Variants in KLK9 observed in about 807,000 individuals in gnomAD.
The protein encoded by KLK9 is kallikrein related peptidase 9.
A neutral mutation model predicts 23.3 loss-of-function variants in KLK9; 26 were observed. The ratio of observed to expected loss-of-function variants is 1.12; its 90% CI spans 0.82 to 1.55. KLK9 has a LOEUF of 1.55. KLK9 is among the 40% of genes most tolerant of loss of function. KLK9 has a pLI of 0.00. For missense variants in KLK9, 346 were observed against 333.7 expected (o/e 1.04, Z -0.29); for synonymous variants, 122 against 128.5 (o/e 0.95, Z 0.34).
chr19:51,003,995 G>A (rs1216717442), intron 3 of KLK9, among the ~76,000 whole-genome samples, 155 bp from the exon 4 acceptor site: 2 of 152,168 alleles, frequency 1.3e-5, no homozygotes, highest in Non-Finnish European at 2.9e-5. Flanking sequence ...CAGACAGACA[G>A]TCATAGCACA....
At chr19:51,005,597 C>T (rs2122360364) in intron 3 of KLK9, among the ~76,000 whole-genome samples, 1 of 151,938 alleles carries the variant, frequency 6.6e-6, no homozygotes, top group Non-Finnish European at 1.5e-5. Context: ...TATTAGAATG[C>T]CCAGAATCTA....
rs944826723 is a variant in KLK9 at position 51,003,015 on chromosome 19, G to A, written c.*96C>T. The A allele has an allele frequency of 3.6e-5, 51 of 1,427,974 alleles. No individual in the cohort carries two copies. In the African/African-American group the frequency reaches 6.5e-4, roughly 18 times the overall value. 88.5% of individuals were successfully genotyped at this position (1,427,974 alleles called of 1,614,324 possible). A position where few individuals can be genotyped will look rare whatever the true frequency, so the allele number is the denominator to read the frequency against. ...GGAGTCAGGGCAGCTGGAGGTCCAG[G>A]GCGGGAACCATTGAGGCTGGGACCC... On this transcript the variant is annotated 3_prime_UTR_variant, in exon 5 of 5. Coordinates refer to ENST00000594211, the MANE Select transcript of KLK9 (RefSeq NM_012315.2).
rs71333922 is a variant in KLK9 at position 51,004,338 on chromosome 19, C to CAA, written c.467-500_467-499dup. ...TGGGAGACAGAGCAAGACTCCGTCT[C>CAA]AAAAAAAAAAAAAAAAAAAAAAAAA... On this transcript the variant is annotated intron_variant, in intron 3 of 4. Transcript: ENST00000594211. Among the ~76,000 whole-genome samples, 36 of 32,560 alleles carry CAA rather than the reference C, an allele frequency of 1.1e-3. 8 individuals are homozygous for CAA. The highest frequency in any genetic ancestry group is 3.1e-3 in the South Asian group (1 of 322). The allele number at this position is 32,560 out of a possible 152,430, so 21.4% of individuals were successfully genotyped here.
intron 2 of KLK9, among the ~76,000 whole-genome samples, chr19:51,007,687 G>A (rs2091260960): frequency 6.6e-6 from 1 of 151,868 alleles, no homozygotes; most frequent in African/African-American, 2.4e-5. Flanking sequence ...AATGCATGAT[G>A]GGAAATTCCC....
In KLK9 at chr19:51,006,476, C is replaced by G. The variant is rs776375002; in HGVS notation, c.448G>C (p.Ala150Pro). ...GMQCLISGWG[A>P]VSSPKALFPV... is the part of the protein sequence containing the mutation. Reference sequence around the variant, plus strand: ...GTCATACCCTTGGGGCTGGACACGGCCCCCCAGCCTGAGATGAGACACTGC... The same window carrying G: ...GTCATACCCTTGGGGCTGGACACGGGCCCCCAGCCTGAGATGAGACACTGC... Residue 150 changes from alanine to proline, a missense_variant, in exon 3 of 5, where the codon GCC becomes CCC. Coordinates refer to ENST00000594211, the MANE Select transcript of KLK9 (RefSeq NM_012315.2). This position sits in a 1 kb window ranked among gnomAD's most constrained non-coding sequence, Gnocchi z 4.1. The G allele has an allele frequency of 1.2e-6, 2 of 1,610,564 alleles. No individual in the cohort carries two copies. The highest frequency in any genetic ancestry group is 2.2e-5 in the East Asian group (1 of 44,850).
In KLK9 at chr19:51,003,117, C is replaced by T. The variant is rs200431645; in HGVS notation, c.747G>A (p.Glu249=). ...HYLDWIQEIM[E]N The stretch of plus-strand genomic sequence containing the variant: ...GCCCCCGTGGCGCGCGGGCTCAGTT[C>T]TCCATGATTTCTTGGATCCAGTCAA... The change falls in exon 5 of 5, where the codon GAG becomes GAA. Residue 249 remains glutamate, a synonymous_variant. Transcript: ENST00000594211. The T allele has an allele frequency of 6.2e-7, 1 of 1,608,820 alleles. No individual in the cohort carries two copies. Among genetic ancestry groups the T allele is most frequent in the Non-Finnish European group, 8.5e-7 (1 of 1,177,514 alleles).
rs112554254 is a variant in KLK9, at chr19:51,003,182, G to A, written c.682C>T (p.Pro228Ser). 8 of 1,594,548 alleles carry A rather than the reference G, an allele frequency of 5.0e-6. No individual in the cohort carries two copies. The highest frequency in any genetic ancestry group is 6.0e-6 in the Non-Finnish European group (7 of 1,170,774). The part of the protein sequence containing the change: ...VSGGAEPCSR[P>S]RRPAVYTSVC... ...CTGGTGTAGACTGCGGGGCGCCGGG[G>A]TCTGGAGCAGGGCTCAGCACCCCCA... The change falls in exon 5 of 5, where the codon CCC becomes TCC. Residue 228 changes from proline to serine, a missense_variant. Physicochemically the swap from Pro to Ser is moderately conservative, Grantham distance 74 (BLOSUM62 -1). Coordinates refer to ENST00000594211, the MANE Select transcript of KLK9 (RefSeq NM_012315.2).
rs148154487 is a variant in KLK9 at position 51,003,179 on chromosome 19, G to A, written c.685C>T (p.Arg229Trp). The A allele has an allele frequency of 3.1e-6, 5 of 1,590,280 alleles. No individual in the cohort carries two copies. Among genetic ancestry groups the A allele is most frequent in the East Asian group, 4.6e-5 (2 of 43,796 alleles). Residue 229 changes from arginine to tryptophan, a missense_variant, in exon 5 of 5, where the codon CGG becomes TGG. By Grantham distance (101) the Arg-to-Trp change is moderately radical. Coordinates refer to ENST00000594211, the MANE Select transcript of KLK9 (RefSeq NM_012315.2). Reference sequence around the variant, plus strand: ...ACGCTGGTGTAGACTGCGGGGCGCCGGGGTCTGGAGCAGGGCTCAGCACCC... The same window carrying A: ...ACGCTGGTGTAGACTGCGGGGCGCCAGGGTCTGGAGCAGGGCTCAGCACCC... ...SGGAEPCSRP[R>W]RPAVYTSVCH... is the part of the protein sequence containing the mutation.
In KLK9 at chr19:51,003,040, C is replaced by T. The variant is rs576212136; in HGVS notation, c.*71G>A. The T allele has an allele frequency of 1.3e-4, 205 of 1,522,718 alleles. No individual in the cohort carries two copies. The highest frequency in any genetic ancestry group is 1.1e-4 in the East Asian group (5 of 43,528). 94.3% of individuals were successfully genotyped at this position (1,522,718 alleles called of 1,614,324 possible). Reference sequence around the variant, plus strand: ...GGCGGGAACCATTGAGGCTGGGACCCTACGAGAACCCCCTACCCCGTGCCC... The same window carrying T: ...GGCGGGAACCATTGAGGCTGGGACCTTACGAGAACCCCCTACCCCGTGCCC... On this transcript the variant is annotated 3_prime_UTR_variant, in exon 5 of 5. Coordinates refer to ENST00000594211, the MANE Select transcript of KLK9 (RefSeq NM_012315.2).
Position 51,006,539 on chromosome 19 carries a change from G to A in KLK9, c.385C>T (p.Pro129Ser). ...ACACAGGTCTGGCTGAGGTTGAGGGGCTGCACAGCAGGACTCAGACGTGCC... is the reference window on the plus strand; with the variant it reads ...ACACAGGTCTGGCTGAGGTTGAGGGACTGCACAGCAGGACTCAGACGTGCC... ...RQARLSPAVQ[P>S]LNLSQTCVSP... The change falls in exon 3 of 5, where the codon CCC becomes TCC. Residue 129 changes from proline (P) to serine (S), a missense_variant. Coordinates refer to ENST00000594211, the MANE Select transcript of KLK9 (RefSeq NM_012315.2). The surrounding 1 kb of genome is among the most constrained non-coding windows in gnomAD (Gnocchi z 4.1). The A allele has an allele frequency of 6.2e-7, 1 of 1,613,242 alleles. No individual in the cohort carries two copies. The highest frequency in any genetic ancestry group is 8.5e-7 in the Non-Finnish European group (1 of 1,179,442).
chr19:51,006,530 G>A lies in KLK9; in HGVS notation c.394C>T (p.Leu132Phe), dbSNP rs1278413906. The A allele has an allele frequency of 6.2e-7, 1 of 1,613,262 alleles. No homozygotes were observed. The highest frequency in any genetic ancestry group is 1.1e-5 in the South Asian group (1 of 91,064). ...RLSPAVQPLNLSQTCVSPGMQ... is the reference protein window; with the variant it reads ...RLSPAVQPLNFSQTCVSPGMQ... ...CCTGGGGAGACACAGGTCTGGCTGA[G>A]GTTGAGGGGCTGCACAGCAGGACTC... The change falls in exon 3 of 5, where the codon CTC becomes TTC. Residue 132 changes from leucine (L) to phenylalanine (F), a missense_variant. Leu to Phe is a conservative substitution (Grantham distance 22). Coordinates refer to ENST00000594211, the MANE Select transcript of KLK9 (RefSeq NM_012315.2). This position sits in a 1 kb window ranked among gnomAD's most constrained non-coding sequence, Gnocchi z 4.1.
intron 2 of KLK9, among the ~76,000 whole-genome samples, chr19:51,007,458 G>T (rs2091260135): frequency 6.6e-6 from 1 of 151,850 alleles, no homozygotes; most frequent in Admixed American, 6.6e-5. Context: ...AGAAACATCT[G>T]TGTCTGTCTC....
intron 2 of KLK9, among the ~76,000 whole-genome samples, chr19:51,008,964 C>T (rs377625651): frequency 2.5e-4 from 38 of 152,300 alleles, no homozygotes; most frequent in East Asian, 1.7e-3. Flanking sequence ...GGGTCAGTCT[C>T]GGATTCGAAG....
chr19:51,009,104 T>G lies in KLK9; in HGVS notation c.200+79A>C. On this transcript the variant is annotated intron_variant, in intron 2 of 4. Coordinates refer to ENST00000594211, the MANE Select transcript of KLK9 (RefSeq NM_012315.2). This position sits in a 1 kb window ranked among gnomAD's most constrained non-coding sequence, Gnocchi z 4.8. Reference sequence around the variant, plus strand: ...GTATCAGAAGTGGAGGCTCCGCACTTCTGGCCTAAAGCACCCCTCACCCTC... The same window carrying G: ...GTATCAGAAGTGGAGGCTCCGCACTGCTGGCCTAAAGCACCCCTCACCCTC... 6.7e-7 allele frequency: 1 copy of G among 1,492,498 alleles called. No individual in the cohort carries two copies. Among genetic ancestry groups the G allele is most frequent in the Non-Finnish European group, 9.0e-7 (1 of 1,116,898 alleles). 92.5% of individuals were successfully genotyped at this position (1,492,498 alleles called of 1,614,324 possible).
rs764868863 is a variant in KLK9, at chr19:51,005,637, CTAG to C, written c.466+818_466+820del. Among the ~76,000 whole-genome samples the C allele has an allele frequency of 1.3e-4, 20 of 151,932 alleles. No individual in the cohort carries two copies. In the East Asian group the frequency reaches 3.1e-3, roughly 23 times the overall value. On this transcript the variant is annotated intron_variant, in intron 3 of 4. Coordinates refer to ENST00000594211, the MANE Select transcript of KLK9 (RefSeq NM_012315.2). ...TCTAGAATTCTCAGATTCTGACACA[CTAG>C]TATCCATGATTCTAGAATCTAGAGG...
intron 2 of KLK9, among the ~76,000 whole-genome samples, chr19:51,007,670 A>G (rs963542919): frequency 6.6e-6 from 1 of 151,888 alleles, no homozygotes; most frequent in Non-Finnish European, 1.5e-5. Flanking sequence ...AGGTTCCATC[A>G]TGGAGCAATG....
chr19:51,008,755 C>T (rs1600131707), intron 2 of KLK9, among the ~76,000 whole-genome samples: 2 of 152,236 alleles, frequency 1.3e-5, no homozygotes, highest in Admixed American at 1.3e-4. Flanking sequence ...ATTAATTTTA[C>T]TCATTCCTTA....
chr19:51,003,703 C>G lies in KLK9; in HGVS notation c.603+1G>C. ...TCATTTTCCCCAGAGTAAGGTCTCACCTGGCAGGAACCTCGGCCCCCCTCC... is the reference window on the plus strand; with the variant it reads ...TCATTTTCCCCAGAGTAAGGTCTCAGCTGGCAGGAACCTCGGCCCCCCTCC... On this transcript the variant is annotated splice_donor_variant, in intron 4 of 4. Coordinates refer to ENST00000594211, the MANE Select transcript of KLK9 (RefSeq NM_012315.2). LOFTEE classifies it high-confidence loss of function. The G allele has an allele frequency of 6.2e-7, 1 of 1,611,036 alleles. No homozygotes were observed. The highest frequency in any genetic ancestry group is 8.5e-7 in the Non-Finnish European group (1 of 1,178,388).
chr19:51,002,800 T>G lies in KLK9; in HGVS notation c.*311A>C, dbSNP rs1256464561. 1 of 285,578 alleles carries G rather than the reference T, an allele frequency of 3.5e-6. No individual in the cohort carries two copies. Among genetic ancestry groups the G allele is most frequent in the Non-Finnish European group, 6.5e-6 (1 of 153,846 alleles). 17.7% of individuals were successfully genotyped at this position (285,578 alleles called of 1,614,324 possible). On this transcript the variant is annotated 3_prime_UTR_variant, in exon 5 of 5. Coordinates refer to ENST00000594211, the MANE Select transcript of KLK9 (RefSeq NM_012315.2). ...AAAGTTCCGAGGGGCGGAGCTATTTTGTGTAAGTGGTTCCTTGGGGCGGAG... is the reference window on the plus strand; with the variant it reads ...AAAGTTCCGAGGGGCGGAGCTATTTGGTGTAAGTGGTTCCTTGGGGCGGAG...
Sources: allele counts gnomAD v4.1 joint callset (sites outside exome capture counted in the v4.1 genomes callset), GRCh38; gene constraint gnomAD v4.1.1; non-coding constraint Gnocchi (gnomAD v3.1); transcripts MANE v1.5; gene names NCBI Gene and HGNC (gene_info 2026-07-23, HGNC 2026-07-21).